SYT9: variants seen among roughly 807,000 people sequenced by gnomAD.
SYT9 encodes synaptotagmin 9.
In SYT9, 22 loss-of-function variants were observed where a neutral mutation model predicts 48.4. That is an observed-to-expected ratio of 0.45 (90% CI 0.32 to 0.65). The LOEUF is 0.65. Ranked by LOEUF, SYT9 falls within the 30% of genes least tolerant of loss-of-function variation. The probability of loss-of-function intolerance (pLI) is 0.03; values close to 1 mark genes in which losing one functional copy is unlikely to be tolerated. For synonymous variants in SYT9, 265 were observed against 245.0 expected, an observed-to-expected ratio of 1.08 and a Z score of -0.76; for missense variants, 577 against 622.0, an observed-to-expected ratio of 0.93 and a Z score of 0.77.
At chr11:7,415,364 C>T (rs1446226980) in intron 3 of SYT9, among the ~76,000 whole-genome samples, 1 of 152,084 alleles carries the variant, frequency 6.6e-6, no homozygotes, top group Non-Finnish European at 1.5e-5. Context: ...CCAGTGGAGC[C>T]GTGTGCTGGT....
At chr11:7,269,684 C>T (rs182059660) in intron 1 of SYT9, among the ~76,000 whole-genome samples, 48 of 152,278 alleles carry the variant, frequency 3.2e-4, no homozygotes, top group Non-Finnish European at 6.6e-4. Context: ...TAACCTTTCT[C>T]GAAGTCCCAC....
intron 3 of SYT9, among the ~76,000 whole-genome samples, chr11:7,406,418 T>C (rs1847011177): frequency 1.3e-5 from 2 of 152,010 alleles, no homozygotes; most frequent in South Asian, 4.1e-4. Context: ...TGAGAACATG[T>C]ATCTGTCTTT....
At chr11:7,384,200 G>A (rs1850616318) in intron 3 of SYT9, among the ~76,000 whole-genome samples, 2 of 151,954 alleles carry the variant, frequency 1.3e-5, no homozygotes, top group Non-Finnish European at 2.9e-5. Flanking sequence ...ATGTATAGCT[G>A]AACCATGTAT....
chr11:7,442,260 C>T (rs936176587), intron 6 of SYT9, among the ~76,000 whole-genome samples: 11 of 152,186 alleles, frequency 7.2e-5, no homozygotes. Flanking sequence ...ATTTCCCACC[C>T]CTGTGGTGGG....
At chr11:7,293,696 G>A (rs1364235585) in intron 1 of SYT9, among the ~76,000 whole-genome samples, 2 of 152,158 alleles carry the variant, frequency 1.3e-5, no homozygotes, top group Non-Finnish European at 2.9e-5. Context: ...GATCACTGAG[G>A]GGCAGTGACC....
rs1377085314 is a variant in SYT9, at chr11:7,252,258, C to T, written c.72C>T (p.Ala24=). 6 of 1,508,270 alleles carry T rather than the reference C, an allele frequency of 4.0e-6. No homozygotes were observed. The highest frequency in any genetic ancestry group is 5.3e-6 in the Non-Finnish European group (6 of 1,128,534). The allele number at this position is 1,508,270 out of a possible 1,614,324, so 93.4% of individuals were successfully genotyped here. A position where few individuals can be genotyped will look rare whatever the true frequency, so the allele number is the denominator to read the frequency against. Residue 24 remains alanine, a synonymous_variant, in exon 1 of 7, where the codon GCC becomes GCT. Coordinates refer to ENST00000318881, the MANE Select transcript of SYT9 (RefSeq NM_175733.4). This position sits in a 1 kb window ranked among gnomAD's most constrained non-coding sequence, Gnocchi z 6.3. ...TGGCCGAGCTCTGTGCCCGTGGGGC[C>T]CTGGAGCACGACAGCTGCCAGGATT... ...QLLAELCARG[A]LEHDSCQDFI...
intron 3 of SYT9, among the ~76,000 whole-genome samples, chr11:7,338,583 T>C (rs781508454): frequency 3.3e-5 from 5 of 152,214 alleles, no homozygotes; most frequent in Non-Finnish European, 7.3e-5. Context: ...ACTTCTTGAT[T>C]TCTGCCTTAA....
chr11:7,406,559 T>TATATATATATATATATATATATATAC (rs922664189), intron 3 of SYT9, among the ~76,000 whole-genome samples: 1 of 146,680 alleles, frequency 6.8e-6, no homozygotes, highest in African/African-American at 2.5e-5. Context: ...TATATATATA[T>TATATATATATATATATATATATATAC]ATATATATAG....
At chr11:7,345,523 GTT>G (rs1425822164) in intron 3 of SYT9, among the ~76,000 whole-genome samples, 2 of 152,128 alleles carry the variant, frequency 1.3e-5, no homozygotes, top group Non-Finnish European at 2.9e-5. Flanking sequence ...TGATTTTCTG[GTT>G]TTCAGCATGA....
chr11:7,397,961 C>A (rs141957739), intron 3 of SYT9, among the ~76,000 whole-genome samples: 227 of 152,224 alleles, frequency 1.5e-3, no homozygotes, highest in African/African-American at 5.1e-3. Context: ...ATGTATATGT[C>A]TTTTATTTCT....
chr11:7,345,208 C>T (rs1849779359), intron 3 of SYT9, among the ~76,000 whole-genome samples: 1 of 152,168 alleles, frequency 6.6e-6, no homozygotes, highest in Non-Finnish European at 1.5e-5. Flanking sequence ...CTCCAGACTC[C>T]CAAGTCCGTT....
At chr11:7,427,021 T>C (rs12361587) in intron 6 of SYT9, among the ~76,000 whole-genome samples, 17,809 of 152,238 alleles carry the variant, frequency 0.12, 1,089 homozygotes, top group Middle Eastern at 0.18. Flanking sequence ...ATTCAATGCA[T>C]GCATTTTCTG....
intron 1 of SYT9, among the ~76,000 whole-genome samples, chr11:7,290,444 G>A (rs1477151854): frequency 6.6e-6 from 1 of 152,124 alleles, no homozygotes; most frequent in Non-Finnish European, 1.5e-5. Flanking sequence ...CAGAACCAAT[G>A]CTCCTTCTAC....
intron 6 of SYT9, among the ~76,000 whole-genome samples, chr11:7,455,805 A>G (rs1026458779): frequency 6.6e-6 from 1 of 152,186 alleles, no homozygotes; most frequent in Non-Finnish European, 1.5e-5. Context: ...ACAATAGGCT[A>G]TGCATTCTAC....
At chr11:7,267,470 A>G (rs77663614) in intron 1 of SYT9, among the ~76,000 whole-genome samples, 131 of 152,094 alleles carry the variant, frequency 8.6e-4, no homozygotes, top group African/African-American at 2.9e-3. Flanking sequence ...AACAATGCCA[A>G]AACTCTAAAC....
At chr11:7,303,417 T>C (rs1168029947) in intron 2 of SYT9, 27 bp downstream of exon 2, 1 of 1,559,876 alleles carries the variant, frequency 6.4e-7, no homozygotes, top group Non-Finnish European at 8.7e-7. Flanking sequence ...CCTTTCTGAA[T>C]GCAAGGAAGG....
intron 6 of SYT9, among the ~76,000 whole-genome samples, chr11:7,421,823 T>G (rs935548260): frequency 6.6e-6 from 1 of 152,198 alleles, no homozygotes; most frequent in Non-Finnish European, 1.5e-5. Context: ...AAAGATGACA[T>G]GTAAACTAAT....
chr11:7,403,564 C>CAGAG (rs59032816), intron 3 of SYT9, among the ~76,000 whole-genome samples: 35,047 of 150,372 alleles, frequency 0.23, 4,363 homozygotes, highest in Non-Finnish European at 0.28. Flanking sequence ...AATAAATAAA[C>CAGAG]AGAGAGAGAG....
intron 2 of SYT9, among the ~76,000 whole-genome samples, chr11:7,306,133 A>T (rs1164426430): frequency 6.6e-6 from 1 of 152,038 alleles, no homozygotes; most frequent in East Asian, 1.9e-4. Context: ...TTGTACAGTG[A>T]CTCAATATGC....
Sources: gnomAD v4.1 joint callset for allele counts (sites outside exome capture counted in the v4.1 genomes callset) on GRCh38, gnomAD v4.1.1 for gene constraint, Gnocchi (gnomAD v3.1) non-coding constraint, MANE v1.5 for transcripts, NCBI Gene and HGNC (gene_info 2026-07-23, HGNC 2026-07-21) for gene names.